Variants in RBMS2 observed in about 807,000 individuals in gnomAD.
The protein encoded by RBMS2 is RNA-binding motif, single-stranded-interacting protein 2.
RBMS2 carries 38 observed loss-of-function variants against 58.4 expected under a neutral mutation model. That is an observed-to-expected ratio of 0.65 (90% CI 0.50 to 0.85). The LOEUF (loss-of-function observed/expected upper bound fraction) is 0.85. Among genes scored for constraint, RBMS2 ranks in the 40% least tolerant of loss-of-function variants. The pLI, the probability that RBMS2 is intolerant of heterozygous loss-of-function variation, is 0.00. For missense variants in RBMS2, 367 were observed against 503.7 expected, an observed-to-expected ratio of 0.73 and a Z score of 2.60; for synonymous variants, 151 against 180.7, an observed-to-expected ratio of 0.84 and a Z score of 1.32.
chr12:56,556,958 A>C (rs1879338981), intron 1 of RBMS2, among the ~76,000 whole-genome samples: 1 of 152,158 alleles, frequency 6.6e-6, no homozygotes, highest in African/African-American at 2.4e-5. Flanking sequence ...CAGTCAGCAA[A>C]AACACTGTGG....
intron 1 of RBMS2, among the ~76,000 whole-genome samples, chr12:56,554,178 A>G (rs1217527671): frequency 6.6e-6 from 1 of 152,172 alleles, no homozygotes; most frequent in Non-Finnish European, 1.5e-5. Flanking sequence ...TTGCAGATAT[A>G]GATAATTCAC....
chr12:56,535,494 CAAAAA>C (rs59905092), intron 1 of RBMS2, among the ~76,000 whole-genome samples: 20 of 97,718 alleles, frequency 2.0e-4, no homozygotes, highest in African/African-American at 7.9e-4. Flanking sequence ...GACTCCATCT[CAAAAA>C]AAAAAAAAAA....
intron 1 of RBMS2, among the ~76,000 whole-genome samples, chr12:56,529,811 A>G (rs73329534): frequency 0.032 from 4,897 of 152,268 alleles, 258 homozygotes; most frequent in African/African-American, 0.11. Flanking sequence ...AGAAATAGGG[A>G]GTGACTGGTA....
chr12:56,580,230 CTTTTTT>C, intron 5 of RBMS2: 33 of 313,536 alleles, frequency 1.1e-4, no homozygotes, highest in Admixed American at 1.7e-4. Context: ...TGAGCCTGGC[CTTTTTT>C]TTTTTTTTTT....
chr12:56,572,940 T>C (rs1882533874), intron 5 of RBMS2: 1 of 984,822 alleles, frequency 1.0e-6, no homozygotes, highest in African/African-American at 1.7e-5. Context: ...GGTGCCCTTC[T>C]TTGGGCTTTG....
chr12:56,576,416 A>G (rs1592479449), intron 5 of RBMS2, among the ~76,000 whole-genome samples: 1 of 152,078 alleles, frequency 6.6e-6, no homozygotes, highest in Non-Finnish European at 1.5e-5. Flanking sequence ...TGCAAATGCT[A>G]CCCACCCATT....
At position 56,544,978 on chromosome 12, in the gene RBMS2, T is replaced by C. The variant is rs553387551; in HGVS notation, c.67-17439T>C. On this transcript the variant is annotated intron_variant, in intron 1 of 13. Coordinates refer to ENST00000262031, the MANE Select transcript of RBMS2 (RefSeq NM_002898.4). Reference sequence around the variant, plus strand: ...TTTTTGGTTACATGGATAAGTTCTTTAGCAGTGATTTCTGAGATTTTAGTG... The same window carrying C: ...TTTTTGGTTACATGGATAAGTTCTTCAGCAGTGATTTCTGAGATTTTAGTG... Among the ~76,000 whole-genome samples the C allele has an allele frequency of 5.1e-4, 78 of 152,176 alleles. 1 individual carries two copies. The South Asian group carries it at 0.015, about 30-fold the overall frequency.
At chr12:56,527,966 A>T (rs1872974726) in intron 1 of RBMS2, 1 of 152,012 alleles carries the variant, frequency 6.6e-6, no homozygotes, top group South Asian at 2.1e-4. Context: ...AAAGGCAAGT[A>T]TGGCCAGGCA....
intron 9 of RBMS2, 46 bp downstream of exon 9, chr12:56,582,198 G>A: frequency 1.4e-6 from 2 of 1,470,844 alleles, no homozygotes; most frequent in Non-Finnish European, 1.9e-6. Flanking sequence ...CCCTACTACT[G>A]TGCTTTAAGT....
At chr12:56,536,653 C>T (rs1035867060) in intron 1 of RBMS2, among the ~76,000 whole-genome samples, 4 of 151,218 alleles carry the variant, frequency 2.6e-5, no homozygotes, top group Non-Finnish European at 4.4e-5. Flanking sequence ...CTGCAACCTC[C>T]ACCTGGTGGG....
At chr12:56,569,108 T>G (rs1881862805) in intron 3 of RBMS2, 75 bp downstream of exon 3, 1 of 1,294,442 alleles carries the variant, frequency 7.7e-7, no homozygotes, top group Non-Finnish European at 1.1e-6. Flanking sequence ...CCTTTACTGC[T>G]GAGAGTCCTG....
At chr12:56,562,758 A>G (rs959910545) in intron 2 of RBMS2, among the ~76,000 whole-genome samples, 175 bp downstream of exon 2, 1 of 152,172 alleles carries the variant, frequency 6.6e-6, no homozygotes, top group Non-Finnish European at 1.5e-5. Context: ...CAGCTCACTT[A>G]TCCTAAAAGG....
chr12:56,574,986 A>C (rs889982872), intron 5 of RBMS2, among the ~76,000 whole-genome samples: 6 of 151,944 alleles, frequency 3.9e-5, no homozygotes, highest in African/African-American at 1.5e-4. Context: ...ATCTCTACTA[A>C]AAATACAAAA....
At chr12:56,560,181 C>T (rs1880131234) in intron 1 of RBMS2, among the ~76,000 whole-genome samples, 1 of 151,848 alleles carries the variant, frequency 6.6e-6, no homozygotes, top group Non-Finnish European at 1.5e-5. Flanking sequence ...AGGTGTGAGC[C>T]ACCGTACCCG....
At position 56,591,238 on chromosome 12, in the gene RBMS2, G is replaced by C; in HGVS notation, c.*2105G>C. On this transcript the variant is annotated 3_prime_UTR_variant, in exon 14 of 14. Coordinates refer to ENST00000262031, the MANE Select transcript of RBMS2 (RefSeq NM_002898.4). ...TTCATTAGGCTGGCCATAGGGAGAG[G>C]AAGGGGGTGACAGCAGGGGAAAAGA... 1 of 152,160 alleles carries C rather than the reference G, an allele frequency of 6.6e-6. No homozygotes were observed. The highest frequency in any genetic ancestry group is 1.9e-4 in the East Asian group (1 of 5,202). 9.4% of individuals were successfully genotyped at this position (152,160 alleles called of 1,614,324 possible).
Position 56,595,836 on chromosome 12 carries a change from T to C in RBMS2, c.*6703T>C, listed in dbSNP as rs1038620508. 1.3e-5 allele frequency: 2 copies of C among 151,860 alleles called. No homozygotes were observed. Among genetic ancestry groups the C allele is most frequent in the African/African-American group, 4.8e-5 (2 of 41,248 alleles). The allele number at this position is 151,860 out of a possible 1,614,324, so 9.4% of individuals were successfully genotyped here. On this transcript the variant is annotated 3_prime_UTR_variant, in exon 14 of 14. Coordinates refer to ENST00000262031, the MANE Select transcript of RBMS2 (RefSeq NM_002898.4). ...TGGAACAGGAGCCCCTGTTGTTCCC[T>C]TGCCTGTGGTCTCTTAAGCCAGTCA...
intron 1 of RBMS2, among the ~76,000 whole-genome samples, chr12:56,525,966 A>G (rs887460783): frequency 1.3e-5 from 2 of 152,018 alleles, no homozygotes; most frequent in Non-Finnish European, 2.9e-5. Context: ...CCCTACCTAT[A>G]TATAACTTTT....
At chr12:56,542,530 C>CTTTTTTTTTTTTTTGTTTTTTTTTTTT (rs11295563) in intron 1 of RBMS2, among the ~76,000 whole-genome samples, 1 of 124,304 alleles carries the variant, frequency 8.0e-6, no homozygotes, top group Non-Finnish European at 1.6e-5. Context: ...CCTGTGTTTC[C>CTTTTTTTTTTTTTTGTTTTTTTTTTTT]TTTTTTTTTT....
chr12:56,588,994 T>G lies in RBMS2; in HGVS notation c.1206T>G (p.Ser402=), dbSNP rs765116605. ...CACCCTCAGAGCATGGGGTCTATTCTTTCCAGTTCAACAAGTAACAGTGGG... is the reference window on the plus strand; with the variant it reads ...CACCCTCAGAGCATGGGGTCTATTCGTTCCAGTTCAACAAGTAACAGTGGG... ...VDAPSEHGVY[S]FQFNK The change falls in exon 13 of 14, where the codon TCT becomes TCG. Residue 402 remains serine, a synonymous_variant. Transcript: ENST00000262031. The G allele has an allele frequency of 1.9e-6, 3 of 1,614,198 alleles. No homozygotes were observed. Among genetic ancestry groups the G allele is most frequent in the Non-Finnish European group, 2.5e-6 (3 of 1,180,028 alleles).
Sources: allele counts gnomAD v4.1 joint callset (sites outside exome capture counted in the v4.1 genomes callset), GRCh38; gene constraint gnomAD v4.1.1; transcripts MANE v1.5; gene names NCBI Gene and HGNC (gene_info 2026-07-23, HGNC 2026-07-21).